SUB1: variants seen among roughly 807,000 people sequenced by gnomAD.
SUB1 encodes the protein activated RNA polymerase II transcriptional coactivator p15.
SUB1 carries 1 observed loss-of-function variant against 16.9 expected under a neutral mutation model. The observed-to-expected ratio is 0.06, with a 90% confidence interval of 0.02 to 0.28. The LOEUF is 0.28. SUB1 is among the 10% of genes least tolerant of loss of function. The probability of loss-of-function intolerance (pLI) is 1.00; values close to 1 mark genes in which losing one functional copy is unlikely to be tolerated. For synonymous variants in SUB1, 51 were observed against 46.9 expected, an observed-to-expected ratio of 1.09 and a Z score of -0.36; for missense variants, 84 against 145.2, an observed-to-expected ratio of 0.58 and a Z score of 2.16.
intron 3 of SUB1, chr5:32,597,968 A>G (rs1170781112): frequency 6.6e-6 from 1 of 152,178 alleles, no homozygotes; most frequent in Admixed American, 6.5e-5. Flanking sequence ...AAGATATGTC[A>G]TCTGTTAATA....
intron 2 of SUB1, 92 bp downstream of exon 2, chr5:32,588,676 T>A: frequency 7.6e-7 from 1 of 1,308,062 alleles, no homozygotes; most frequent in Non-Finnish European, 1.0e-6. Flanking sequence ...ATTAACATCT[T>A]AAAATGAGGA....
At chr5:32,591,517 ATG>A in intron 2 of SUB1, 44 bp from the exon 3 acceptor site, 5 of 1,550,246 alleles carry the variant, frequency 3.2e-6, no homozygotes, top group Non-Finnish European at 4.3e-6. Context: ...ACACTGGGGT[ATG>A]TTTTATTTTT....
chr5:32,586,975 AG>A (rs1421563892), intron 1 of SUB1, among the ~76,000 whole-genome samples: 1 of 152,218 alleles, frequency 6.6e-6, no homozygotes, highest in African/African-American at 2.4e-5. Flanking sequence ...TTTCATCTAG[AG>A]AGCTAGATTA....
rs563722006 is a variant in SUB1, at chr5:32,602,105, C to A, written c.*1021C>A. 2.5e-5 allele frequency: 10 copies of A among 397,430 alleles called. No individual in the cohort carries two copies. Among genetic ancestry groups the A allele is most frequent in the Non-Finnish European group, 4.5e-5 (9 of 200,634 alleles). 24.6% of individuals were successfully genotyped at this position (397,430 alleles called of 1,614,324 possible). A position where few individuals can be genotyped will look rare whatever the true frequency, so the allele number is the denominator to read the frequency against. ...TGCTTGTGTATTTTGGCCTTTGCCCCAGTAGAACAGACCAATGGCATTCTA... is the reference window on the plus strand; with the variant it reads ...TGCTTGTGTATTTTGGCCTTTGCCCAAGTAGAACAGACCAATGGCATTCTA... On this transcript the variant is annotated 3_prime_UTR_variant, in exon 5 of 5. Coordinates refer to ENST00000265073, the MANE Select transcript of SUB1 (RefSeq NM_006713.4).
chr5:32,592,987 G>A (rs1186871127), intron 3 of SUB1, among the ~76,000 whole-genome samples: 5 of 152,100 alleles, frequency 3.3e-5, no homozygotes. Context: ...AGTATTAGTT[G>A]AAACCAAAAA....
At position 32,588,572 on chromosome 5, in the gene SUB1, G is replaced by C. The variant is rs377272287; in HGVS notation, c.60G>C (p.Glu20Asp). The C allele has an allele frequency of 1.9e-5, 30 of 1,613,068 alleles. No homozygotes were observed. Among genetic ancestry groups the C allele is most frequent in the Non-Finnish European group, 2.5e-5 (30 of 1,179,474 alleles). The change falls in exon 2 of 5, where the codon GAG (glutamate) becomes GAC (aspartate). Residue 20 changes from glutamate (E) to aspartate (D), a missense_variant. Physicochemically the swap from Glu to Asp is conservative, Grantham distance 45 (BLOSUM62 2). Around this residue, in one of 2 missense-constraint regions of SUB1, gnomAD observed 60 missense variants for 64.9 expected, o/e 0.92. Transcript: ENST00000265073. ...SSSSGSDSDS[E>D]VDKKLKRKKQ... Reference sequence around the variant, plus strand: ...CTTCTGGCAGTGATTCTGACAGTGAGGTTGACAAAAAGGTGACTACTGCTG... The same window carrying C: ...CTTCTGGCAGTGATTCTGACAGTGACGTTGACAAAAAGGTGACTACTGCTG...
chr5:32,592,697 AT>A (rs1738859969), intron 3 of SUB1, among the ~76,000 whole-genome samples: 1 of 152,006 alleles, frequency 6.6e-6, no homozygotes, highest in South Asian at 2.1e-4. Flanking sequence ...TGTGGACTTG[AT>A]TGTGGATGTG....
At chr5:32,588,876 C>T (rs1017313165) in intron 2 of SUB1, among the ~76,000 whole-genome samples, 6 of 152,048 alleles carry the variant, frequency 3.9e-5, no homozygotes, top group African/African-American at 1.4e-4. Context: ...TACGGTTGGT[C>T]TCTGGACCAC....
Position 32,591,404 on chromosome 5 carries a change from T to G in SUB1, c.73-159T>G, listed in dbSNP as rs562367443. 6 of 1,002,628 alleles carry G rather than the reference T, an allele frequency of 6.0e-6. No individual in the cohort carries two copies. In the Admixed American group the frequency reaches 1.4e-4, roughly 24 times the overall value. The allele number at this position is 1,002,628 out of a possible 1,614,324, so 62.1% of individuals were successfully genotyped here. A position where few individuals can be genotyped will look rare whatever the true frequency, so the allele number is the denominator to read the frequency against. On this transcript the variant is annotated intron_variant, in intron 2 of 4. Transcript: ENST00000265073. ...TACTAGACAGAAGGATTGGTTAGAT[T>G]CATAGTTTTGTTGTTGAGTGAAACT...
At chr5:32,599,700 G>GTTT (rs760992493) in intron 4 of SUB1, among the ~76,000 whole-genome samples, 5 of 143,110 alleles carry the variant, frequency 3.5e-5, no homozygotes, top group Admixed American at 2.8e-4. Flanking sequence ...GCTTCATGCA[G>GTTT]TTTTTTTTTT....
intron 3 of SUB1, among the ~76,000 whole-genome samples, chr5:32,591,942 A>G (rs974035629): frequency 6.6e-6 from 1 of 152,036 alleles, no homozygotes; most frequent in East Asian, 1.9e-4. Context: ...TTGTGATCCA[A>G]CTGCCTCAGC....
At chr5:32,596,434 G>A (rs534133469) in intron 3 of SUB1, 2 of 152,036 alleles carry the variant, frequency 1.3e-5, no homozygotes, top group South Asian at 4.1e-4. Flanking sequence ...TTTGCTTAAT[G>A]CTTATTTTCT....
chr5:32,599,878 G>A (rs1048881549), intron 4 of SUB1, among the ~76,000 whole-genome samples: 5 of 151,918 alleles, frequency 3.3e-5, no homozygotes, highest in African/African-American at 1.2e-4. Flanking sequence ...CTTTCTGCCA[G>A]TTCTTGTTTA....
intron 3 of SUB1, chr5:32,596,377 A>T (rs1245106720): frequency 1.3e-5 from 2 of 152,294 alleles, no homozygotes; most frequent in Admixed American, 6.5e-5. Context: ...GCATCTTTTT[A>T]AAAAAGGCTT....
At chr5:32,599,851 G>A (rs1739073406) in intron 4 of SUB1, among the ~76,000 whole-genome samples, 1 of 151,868 alleles carries the variant, frequency 6.6e-6, no homozygotes, top group African/African-American at 2.4e-5. Context: ...TGGCCTTCCA[G>A]CAGTTTTCTG....
chr5:32,592,202 A>AT, intron 3 of SUB1, among the ~76,000 whole-genome samples: 1 of 152,238 alleles, frequency 6.6e-6, no homozygotes, highest in Non-Finnish European at 1.5e-5. Context: ...GTTTTGCTGT[A>AT]TTTAAACCAA....
chr5:32,591,723 T>C lies in SUB1; in HGVS notation c.195+38T>C, dbSNP rs111784854. 5.2e-4 allele frequency: 781 copies of C among 1,504,012 alleles called. 5 individuals carry two copies. In the African/African-American group the frequency reaches 0.01, roughly 20 times the overall value. The allele number at this position is 1,504,012 out of a possible 1,614,324, so 93.2% of individuals were successfully genotyped here. ...ATTTTTTTTTTTTTTTTTTTTGACA[T>C]GGAGTCATGCTCTGTCACCCAGGCT... On this transcript the variant is annotated intron_variant, in intron 3 of 4. Coordinates refer to ENST00000265073, the MANE Select transcript of SUB1 (RefSeq NM_006713.4).
intron 1 of SUB1, among the ~76,000 whole-genome samples, chr5:32,587,047 G>A (rs932644723): frequency 6.6e-6 from 1 of 152,100 alleles, no homozygotes; most frequent in East Asian, 1.9e-4. Flanking sequence ...AACAAATACA[G>A]TGTGTGATGT....
chr5:32,594,872 G>C, intron 3 of SUB1: 1 of 174,070 alleles, frequency 5.7e-6, no homozygotes, highest in Non-Finnish European at 1.3e-5. Context: ...GTGCCAAAAA[G>C]GTTAGGAACC....
Sources: gnomAD v4.1 joint callset for allele counts (sites outside exome capture counted in the v4.1 genomes callset) on GRCh38, gnomAD v4.1.1 for gene constraint, gnomAD v4.1.1 regional missense constraint, MANE v1.5 for transcripts, NCBI Gene and HGNC (gene_info 2026-07-23, HGNC 2026-07-21) for gene names.